Variants in KCNT2 observed in about 807,000 individuals in gnomAD.
The protein encoded by KCNT2 is potassium sodium-activated channel subfamily T member 2.
Under a neutral mutation model 153.8 loss-of-function variants are expected in KCNT2, and 67 were observed. The ratio of observed to expected loss-of-function variants is 0.44; its 90% CI spans 0.36 to 0.53. The LOEUF is 0.53. Among genes scored for constraint, KCNT2 ranks in the 20% least tolerant of loss-of-function variants. The pLI is 0.00. For synonymous variants in KCNT2, 500 were observed against 458.8 expected, an observed-to-expected ratio of 1.09 and a Z score of -1.15; for missense variants, 975 against 1,354.8, an observed-to-expected ratio of 0.72 and a Z score of 4.40.
intron 15 of KCNT2, among the ~76,000 whole-genome samples, chr1:196,341,813 A>C (rs1468368819): frequency 2.0e-5 from 3 of 152,046 alleles, no homozygotes; most frequent in African/African-American, 7.2e-5. Context: ...TATGTATGTA[A>C]ATTCTTAATG....
intron 14 of KCNT2, among the ~76,000 whole-genome samples, chr1:196,347,791 T>C (rs1051646138): frequency 1.3e-5 from 2 of 152,140 alleles, no homozygotes; most frequent in East Asian, 1.9e-4. Context: ...GTCTCTTATG[T>C]CTAGGATTTT....
At chr1:196,512,760 T>TA (rs1172947238) in intron 1 of KCNT2, among the ~76,000 whole-genome samples, 1 of 152,024 alleles carries the variant, frequency 6.6e-6, no homozygotes, top group Non-Finnish European at 1.5e-5. Flanking sequence ...AAACTTTAAG[T>TA]AAAAAAATGG....
At position 196,285,680 on chromosome 1, in the gene KCNT2, T is replaced by C. The variant is rs1219046745; in HGVS notation, c.2674A>G (p.Met892Val). 1.2e-6 allele frequency: 2 copies of C among 1,610,736 alleles called. No individual in the cohort carries two copies. Among genetic ancestry groups the C allele is most frequent in the Admixed American group, 1.7e-5 (1 of 59,970 alleles). Residue 892 changes from methionine to valine, a missense_variant, in exon 23 of 28, where the codon ATG becomes GTG. Physicochemically the swap from Met to Val is conservative, Grantham distance 21. Coordinates refer to ENST00000294725, the MANE Select transcript of KCNT2 (RefSeq NM_198503.5). ...FAAGRVFSISMLDTLLYQSFV... is the reference protein window; with the variant it reads ...FAAGRVFSISVLDTLLYQSFV... ...ACCTGATACAGCAGAGTGTCCAACA[T>C]ACTGATGCTAAACACCCTCCCAGCA...
chr1:196,573,024 T>C (rs1475241826), intron 1 of KCNT2, among the ~76,000 whole-genome samples: 1 of 152,082 alleles, frequency 6.6e-6, no homozygotes, highest in Non-Finnish European at 1.5e-5. Flanking sequence ...TTCGGGATTT[T>C]AAAAAATTTG....
At chr1:196,238,583 T>C (rs1339671858) in intron 26 of KCNT2, among the ~76,000 whole-genome samples, 1 of 152,002 alleles carries the variant, frequency 6.6e-6, no homozygotes, top group Non-Finnish European at 1.5e-5. Flanking sequence ...ACTTCAAAGC[T>C]ATTCTCTTTT....
At chr1:196,419,148 C>T (rs1672985439) in intron 12 of KCNT2, among the ~76,000 whole-genome samples, 1 of 151,184 alleles carries the variant, frequency 6.6e-6, no homozygotes, top group South Asian at 2.1e-4. Flanking sequence ...TTTCTACTTT[C>T]TTTTTTTTAA....
chr1:196,236,664 C>T (rs1654470406), intron 26 of KCNT2, among the ~76,000 whole-genome samples: 1 of 151,366 alleles, frequency 6.6e-6, no homozygotes, highest in Non-Finnish European at 1.5e-5. Context: ...GAAGTGTACT[C>T]CTGAATCATT....
At chr1:196,486,822 G>A (rs1051146920) in intron 3 of KCNT2, among the ~76,000 whole-genome samples, 15 of 151,680 alleles carry the variant, frequency 9.9e-5, no homozygotes, top group Admixed American at 2.6e-4. Flanking sequence ...CTGAATACTA[G>A]ATATGATACT....
At chr1:196,531,702 TAA>T (rs1654965563) in intron 1 of KCNT2, among the ~76,000 whole-genome samples, 1 of 152,116 alleles carries the variant, frequency 6.6e-6, no homozygotes, top group African/African-American at 2.4e-5. Flanking sequence ...AGATTTGTGA[TAA>T]GTTTGCTGAA....
At chr1:196,344,969 A>G (rs1189633117) in intron 14 of KCNT2, among the ~76,000 whole-genome samples, 1 of 152,098 alleles carries the variant, frequency 6.6e-6, no homozygotes, top group African/African-American at 2.4e-5. Flanking sequence ...TGTTATTTTC[A>G]TCGCATGTTA....
chr1:196,229,124 G>T (rs1337071184), intron 27 of KCNT2, among the ~76,000 whole-genome samples: 2 of 151,864 alleles, frequency 1.3e-5, no homozygotes, highest in Non-Finnish European at 2.9e-5. Context: ...CTTTTTTATT[G>T]CTTTTGACTT....
At chr1:196,281,773 T>C (rs1659123622) in intron 24 of KCNT2, among the ~76,000 whole-genome samples, 1 of 151,918 alleles carries the variant, frequency 6.6e-6, no homozygotes, top group African/African-American at 2.4e-5. Context: ...TTTTTTTTTT[T>C]TGAGATGGAG....
chr1:196,591,398 T>C (rs2149001796), intron 1 of KCNT2, among the ~76,000 whole-genome samples: 1 of 152,214 alleles, frequency 6.6e-6, no homozygotes, highest in Non-Finnish European at 1.5e-5. Context: ...TCACCCAGCC[T>C]GAGGTATTCC....
chr1:196,564,427 A>C (rs1383012431), intron 1 of KCNT2, among the ~76,000 whole-genome samples: 1 of 151,932 alleles, frequency 6.6e-6, no homozygotes, highest in Non-Finnish European at 1.5e-5. Context: ...CACACTACCC[A>C]GTGATCTACA....
chr1:196,353,781 C>A (rs151306601), intron 14 of KCNT2, among the ~76,000 whole-genome samples: 1 of 151,736 alleles, frequency 6.6e-6, no homozygotes, highest in African/African-American at 2.4e-5. Flanking sequence ...CTGTTTTTTG[C>A]GGAAATGTAT....
intron 27 of KCNT2, among the ~76,000 whole-genome samples, chr1:196,233,609 T>C (rs191284080): frequency 4.0e-5 from 6 of 151,582 alleles, no homozygotes; most frequent in Non-Finnish European, 1.5e-5. Context: ...ATCTAAATGC[T>C]TTCTAGACAT....
At chr1:196,313,323 T>C (rs1662373966) in intron 21 of KCNT2, among the ~76,000 whole-genome samples, 1 of 151,646 alleles carries the variant, frequency 6.6e-6, no homozygotes, top group Non-Finnish European at 1.5e-5. Flanking sequence ...GTAAAATTAT[T>C]CATAGTTCAA....
intron 1 of KCNT2, among the ~76,000 whole-genome samples, chr1:196,571,779 T>A (rs1408041545): frequency 1.3e-5 from 2 of 152,002 alleles, no homozygotes; most frequent in African/African-American, 4.8e-5. Context: ...ACAGAAAGGG[T>A]CAGCTCAGTA....
chr1:196,352,425 T>A (rs1666796808), intron 14 of KCNT2, among the ~76,000 whole-genome samples: 1 of 152,026 alleles, frequency 6.6e-6, no homozygotes, highest in South Asian at 2.1e-4. Flanking sequence ...CTTCCTGGTT[T>A]AGTCTTGGGA....
Sources: gnomAD v4.1 joint callset for allele counts (sites outside exome capture counted in the v4.1 genomes callset) on GRCh38, gnomAD v4.1.1 for gene constraint, MANE v1.5 for transcripts, NCBI Gene and HGNC (gene_info 2026-07-23, HGNC 2026-07-21) for gene names.